Variants in COP1 observed in about 807,000 individuals in gnomAD.
COP1 encodes the protein COP1 E3 ubiquitin ligase, also known as E3 ubiquitin-protein ligase COP1.
A neutral mutation model predicts 101.3 loss-of-function variants in COP1; 24 were observed. That is an observed-to-expected ratio of 0.24 (90% CI 0.17 to 0.33). COP1 has a LOEUF of 0.33. Among genes scored for constraint, COP1 ranks in the 10% least tolerant of loss-of-function variants. COP1 has a pLI of 1.00. For missense variants in COP1, 663 were observed against 906.2 expected (o/e 0.73, Z 3.45); for synonymous variants, 347 against 341.9 (o/e 1.01, Z -0.17).
chr1:176,192,592 G>A (rs1401698602), intron 1 of COP1, among the ~76,000 whole-genome samples: 1 of 152,078 alleles, frequency 6.6e-6, no homozygotes, highest in Non-Finnish European at 1.5e-5. Flanking sequence ...GCCAATTCCA[G>A]TAAGATGTAA....
intron 8 of COP1, among the ~76,000 whole-genome samples, chr1:176,128,991 A>G (rs1187041658): frequency 6.6e-6 from 1 of 151,848 alleles, no homozygotes; most frequent in East Asian, 1.9e-4. Context: ...TATCCCTCCC[A>G]AGCATATATT....
intron 8 of COP1, among the ~76,000 whole-genome samples, chr1:176,129,438 AT>A (rs1688559252): frequency 6.6e-6 from 1 of 151,872 alleles, no homozygotes; most frequent in African/African-American, 2.4e-5. Flanking sequence ...CTGCATGACA[AT>A]TTTTTAAAAA....
intron 11 of COP1, among the ~76,000 whole-genome samples, chr1:176,057,983 CGCCCCGTCTG>C (rs1673948503): frequency 4.8e-5 from 4 of 83,948 alleles, no homozygotes; most frequent in Non-Finnish European, 1.3e-4. Flanking sequence ...TCTGCCTGGC[CGCCCCGTCTG>C]AGAGGTGAGG....
chr1:176,056,532 CAA>C (rs1186880347), intron 11 of COP1, among the ~76,000 whole-genome samples: 3 of 151,978 alleles, frequency 2.0e-5, no homozygotes, highest in African/African-American at 7.3e-5. Flanking sequence ...GTGTGTAAGA[CAA>C]AGAGAGATTG....
intron 14 of COP1, among the ~76,000 whole-genome samples, chr1:176,036,863 T>A (rs1335220190): frequency 6.6e-6 from 1 of 152,230 alleles, no homozygotes; most frequent in African/African-American, 2.4e-5. Flanking sequence ...ATGGACTTAT[T>A]GGGACTGTAA....
chr1:176,064,644 T>C (rs1675580154), intron 11 of COP1, among the ~76,000 whole-genome samples: 1 of 152,174 alleles, frequency 6.6e-6, no homozygotes, highest in African/African-American at 2.4e-5. Flanking sequence ...TGTTACGGTT[T>C]CTTTCCCCGT....
intron 1 of COP1, among the ~76,000 whole-genome samples, chr1:176,187,305 TACACACATATATAC>T (rs930324927): frequency 1.7e-4 from 26 of 152,016 alleles, no homozygotes; most frequent in Admixed American, 5.9e-4. Context: ...TATATATACA[TACACACATATATAC>T]ACACACATAT....
chr1:175,983,776 T>C (rs1656442497), intron 18 of COP1, among the ~76,000 whole-genome samples: 1 of 152,160 alleles, frequency 6.6e-6, no homozygotes, highest in South Asian at 2.1e-4. Flanking sequence ...CAGATGGAGA[T>C]GAGGAACTTG....
intron 17 of COP1, among the ~76,000 whole-genome samples, chr1:175,987,588 A>C (rs1276967650): frequency 1.3e-5 from 2 of 152,158 alleles, no homozygotes; most frequent in African/African-American, 4.8e-5. Context: ...TCAGTATAGG[A>C]ATTATTCTAT....
At chr1:176,086,923 C>G (rs565961168) in intron 9 of COP1, among the ~76,000 whole-genome samples, 3 of 152,222 alleles carry the variant, frequency 2.0e-5, no homozygotes, top group South Asian at 2.1e-4. Context: ...ACAGACCAAT[C>G]GAACAGAACA....
rs1490317288 is a variant in COP1, at chr1:176,088,992, T to A, written c.1027-3102A>T. Among the ~76,000 whole-genome samples the A allele has an allele frequency of 5.4e-5, 3 of 55,400 alleles. No individual in the cohort carries two copies. In the Admixed American group the frequency reaches 7.7e-4, roughly 14 times the overall value. The allele number at this position is 55,400 out of a possible 152,430, so 36.3% of individuals were successfully genotyped here. A position where few individuals can be genotyped will look rare whatever the true frequency, so the allele number is the denominator to read the frequency against. ...CCTGGGCAACAAGAGCAAAACTCAGTCTCCAAAAAAAAAAAAAAAATCTAT... is the reference window on the plus strand; with the variant it reads ...CCTGGGCAACAAGAGCAAAACTCAGACTCCAAAAAAAAAAAAAAAATCTAT... On this transcript the variant is annotated intron_variant, in intron 9 of 19. Coordinates refer to ENST00000367669, the MANE Select transcript of COP1 (RefSeq NM_022457.7).
chr1:175,956,114 T>C (rs1442820904), intron 18 of COP1, among the ~76,000 whole-genome samples: 1 of 151,960 alleles, frequency 6.6e-6, no homozygotes, highest in African/African-American at 2.4e-5. Context: ...AATAAAAGCA[T>C]TAGGAATCAA....
At chr1:176,041,432 C>T (rs1670516849) in intron 14 of COP1, among the ~76,000 whole-genome samples, 1 of 151,210 alleles carries the variant, frequency 6.6e-6, no homozygotes, top group Admixed American at 6.6e-5. Context: ...ACTACAACCT[C>T]TGCCTCCTAG....
At chr1:176,032,867 A>G (rs1005236983) in intron 14 of COP1, among the ~76,000 whole-genome samples, 4 of 152,132 alleles carry the variant, frequency 2.6e-5, no homozygotes, top group Admixed American at 1.3e-4. Flanking sequence ...GCTGATCAAC[A>G]TAAGTCTTTA....
At chr1:176,194,318 T>C (rs538678514) in intron 1 of COP1, among the ~76,000 whole-genome samples, 1 of 152,224 alleles carries the variant, frequency 6.6e-6, no homozygotes, top group African/African-American at 2.4e-5. Flanking sequence ...TATGTTAAAA[T>C]GTAAACAGTC....
Position 175,991,689 on chromosome 1 carries a change from A to G in COP1, c.1730-2210T>C, listed in dbSNP as rs532137857. Among the ~76,000 whole-genome samples, 251 of 152,324 alleles carry G rather than the reference A, an allele frequency of 1.6e-3. 1 individual carries two copies. Among genetic ancestry groups the G allele is most frequent in the African/African-American group, 5.8e-3 (240 of 41,572 alleles). On this transcript the variant is annotated intron_variant, in intron 15 of 19. Coordinates refer to ENST00000367669, the MANE Select transcript of COP1 (RefSeq NM_022457.7). Reference sequence around the variant, plus strand: ...CTGGACAAAAGTATTTCCTTTTTACATTTCCTTATAAGTTAAAAAATTAAA... The same window carrying G: ...CTGGACAAAAGTATTTCCTTTTTACGTTTCCTTATAAGTTAAAAAATTAAA...
chr1:175,983,299 G>C (rs976603540), intron 18 of COP1, among the ~76,000 whole-genome samples: 2 of 152,152 alleles, frequency 1.3e-5, no homozygotes, highest in Non-Finnish European at 2.9e-5. Context: ...TGACTCATGG[G>C]GGCAAGTCTT....
At chr1:176,138,810 C>T (rs933475332) in intron 6 of COP1, among the ~76,000 whole-genome samples, 7 of 152,192 alleles carry the variant, frequency 4.6e-5, no homozygotes, top group Non-Finnish European at 1.0e-4. Flanking sequence ...TCCACCATCA[C>T]TGAGGCCTTT....
At chr1:176,173,189 T>A (rs1453727506) in intron 3 of COP1, among the ~76,000 whole-genome samples, 1 of 151,936 alleles carries the variant, frequency 6.6e-6, no homozygotes, top group African/African-American at 2.4e-5. Flanking sequence ...TGTGCACCTA[T>A]AATCCCAGCT....
Sources: gnomAD v4.1 joint callset for allele counts (sites outside exome capture counted in the v4.1 genomes callset) on GRCh38, gnomAD v4.1.1 for gene constraint, MANE v1.5 for transcripts, NCBI Gene and HGNC (gene_info 2026-07-23, HGNC 2026-07-21) for gene names.